The following MBNL3 variants were observed in gnomAD, a reference collection of about 807,000 sequenced individuals.
The protein encoded by MBNL3 is muscleblind like splicing regulator 3, also known as muscleblind-like protein 3.
Under a neutral mutation model 24.5 loss-of-function variants are expected in MBNL3, and 6 were observed. The ratio of observed to expected loss-of-function variants is 0.25; its 90% CI spans 0.13 to 0.48. MBNL3 has a LOEUF of 0.48. MBNL3 is among the 20% of genes least tolerant of loss of function. MBNL3 has a pLI of 0.99. For synonymous variants in MBNL3, 100 were observed against 101.7 expected, an observed-to-expected ratio of 0.98 and a Z score of 0.10; for missense variants, 230 against 293.5, an observed-to-expected ratio of 0.78 and a Z score of 1.58.
At chrX:132,464,007 A>G in intron 1 of MBNL3, among the ~76,000 whole-genome samples, 1 of 112,474 alleles carries the variant, frequency 8.9e-6, no homozygotes, top group East Asian at 2.8e-4. Flanking sequence ...TGTATGAGAA[A>G]AATAGATTTT....
intron 1 of MBNL3, among the ~76,000 whole-genome samples, chrX:132,481,112 CTAAGT>C (rs1947709230): frequency 8.9e-6 from 1 of 112,045 alleles, no homozygotes. Context: ...TGTGGCCTCA[CTAAGT>C]TATGAGGGAG....
chrX:132,489,622 G>A, upstream of MBNL3, among the ~76,000 whole-genome samples: 1 of 111,866 alleles, frequency 8.9e-6, no homozygotes, highest in Middle Eastern at 4.7e-3. Flanking sequence ...GTCCCGCGCC[G>A]GACAGACGCG....
intron 2 of MBNL3, among the ~76,000 whole-genome samples, chrX:132,417,109 TTCTC>T (rs756435656): frequency 9.0e-6 from 1 of 110,643 alleles, no homozygotes; most frequent in Admixed American, 9.6e-5. Context: ...TTATTTTTCT[TTCTC>T]TCTCTCTCTC....
At chrX:132,473,636 A>G (rs1302187960) in intron 1 of MBNL3, among the ~76,000 whole-genome samples, 3 of 111,377 alleles carry the variant, frequency 2.7e-5, no homozygotes, top group Non-Finnish European at 5.7e-5. Flanking sequence ...GCACACAAAA[A>G]AAACCCATAT....
intron 2 of MBNL3, among the ~76,000 whole-genome samples, chrX:132,421,344 T>C (rs1394349865): frequency 1.8e-5 from 2 of 111,692 alleles, no homozygotes; most frequent in Non-Finnish European, 3.8e-5. Flanking sequence ...TATATTATCA[T>C]AGAGTAATTA....
chrX:132,392,000 C>T (rs1264557002), intron 4 of MBNL3, 143 bp downstream of exon 4: 5 of 430,346 alleles, frequency 1.2e-5, no homozygotes, highest in Non-Finnish European at 1.9e-5. Context: ...GGTATGATTG[C>T]AGTACTAAAA....
rs1268128895 is a variant in MBNL3 at position 132,375,469 on chromosome X, CA to C, written c.*4196del. Reference sequence around the variant, plus strand: ...TAAATTGATTAGTTACTTAGAGCTACAAAAAAGCAATAAAATGAAACCTTAA... The same window carrying C: ...TAAATTGATTAGTTACTTAGAGCTACAAAAAGCAATAAAATGAAACCTTAA... On this transcript the variant is annotated 3_prime_UTR_variant, in exon 9 of 9. Coordinates refer to ENST00000370853, the MANE Select transcript of MBNL3 (RefSeq NM_001386889.1). The C allele has an allele frequency of 1.8e-5, 2 of 109,696 alleles. No homozygotes were observed. Among genetic ancestry groups the C allele is most frequent in the Non-Finnish European group, 3.8e-5 (2 of 52,377 alleles). 9.0% of individuals were successfully genotyped at this position (109,696 alleles called of 1,213,427 possible). A position where few individuals can be genotyped will look rare whatever the true frequency, so the allele number is the denominator to read the frequency against.
intron 7 of MBNL3, 68 bp from the exon 8 acceptor site, chrX:132,382,340 G>A: frequency 1.1e-6 from 1 of 879,876 alleles, no homozygotes; most frequent in Non-Finnish European, 1.6e-6. Context: ...TAACATTTAC[G>A]ATGGAATGAG....
At chrX:132,432,903 G>C (rs1944855046) in intron 2 of MBNL3, 1 of 109,943 alleles carries the variant, frequency 9.1e-6, no homozygotes, top group African/African-American at 3.3e-5. Context: ...ATACAGAAAA[G>C]CTTCTTTGAC....
intron 2 of MBNL3, among the ~76,000 whole-genome samples, chrX:132,416,343 TAAAACAAAAC>T (rs201556977): frequency 0.041 from 4,513 of 109,984 alleles, 245 homozygotes; most frequent in African/African-American, 0.14. Context: ...ATGCGAGAGC[TAAAACAAAAC>T]AAAACAAAAC....
intron 3 of MBNL3, among the ~76,000 whole-genome samples, chrX:132,396,626 T>TCCTATATATTCACATATATATATTCA: frequency 2.8e-5 from 1 of 36,033 alleles, no homozygotes; most frequent in East Asian, 8.6e-4. Context: ...ATATATATAT[T>TCCTATATATTCACATATATATATTCA]CATATATATT....
intron 1 of MBNL3, among the ~76,000 whole-genome samples, chrX:132,484,583 GA>G (rs1947904607): frequency 9.0e-6 from 1 of 111,396 alleles, no homozygotes; most frequent in South Asian, 3.8e-4. Context: ...ATCCTAAATG[GA>G]AAACAAAATC....
At chrX:132,420,904 T>C (rs1411545517) in intron 2 of MBNL3, among the ~76,000 whole-genome samples, 1 of 112,229 alleles carries the variant, frequency 8.9e-6, no homozygotes, top group Non-Finnish European at 1.9e-5. Flanking sequence ...ACAACACTGT[T>C]ATATGAATCA....
chrX:132,386,995 G>A (rs1052490703), intron 5 of MBNL3, among the ~76,000 whole-genome samples, 184 bp from the exon 6 acceptor site: 4 of 111,367 alleles, frequency 3.6e-5, no homozygotes, highest in Admixed American at 9.5e-5. Flanking sequence ...GTTCACAGCC[G>A]TGTACAGTGG....
intron 1 of MBNL3, among the ~76,000 whole-genome samples, chrX:132,465,601 A>G (rs1316981761): frequency 8.9e-6 from 1 of 112,118 alleles, no homozygotes; most frequent in Admixed American, 9.5e-5. Flanking sequence ...CCACATTTCT[A>G]TTTTTAAATA....
chrX:132,463,883 A>C (rs1453237769), intron 1 of MBNL3, among the ~76,000 whole-genome samples: 2 of 112,257 alleles, frequency 1.8e-5, no homozygotes, highest in Non-Finnish European at 3.8e-5. Context: ...TGATCTGTAT[A>C]TGTGCCAAAG....
At chrX:132,467,343 A>C (rs2148510276) in intron 1 of MBNL3, among the ~76,000 whole-genome samples, 2 of 112,307 alleles carry the variant, frequency 1.8e-5, no homozygotes, top group African/African-American at 3.2e-5. Flanking sequence ...CTGGAGAATT[A>C]GTCACTGAAC....
At chrX:132,462,561 G>A (rs1049044138) in intron 1 of MBNL3, among the ~76,000 whole-genome samples, 1 of 112,013 alleles carries the variant, frequency 8.9e-6, no homozygotes. Flanking sequence ...GTTGGTGGAA[G>A]AGAGACCACT....
intron 3 of MBNL3, among the ~76,000 whole-genome samples, chrX:132,396,669 T>C (rs1186153158): frequency 4.4e-5 from 2 of 45,100 alleles, no homozygotes; most frequent in Non-Finnish European, 7.1e-5. Flanking sequence ...TATTCACATA[T>C]ATATATTCAT....
Sources: allele counts gnomAD v4.1 joint callset (sites outside exome capture counted in the v4.1 genomes callset), GRCh38; gene constraint gnomAD v4.1.1; transcripts MANE v1.5; gene names NCBI Gene and HGNC (gene_info 2026-07-23, HGNC 2026-07-21).